Variants in TP63 observed in about 807,000 individuals in gnomAD.
TP63 encodes tumor protein 63.
Under a neutral mutation model 82.8 loss-of-function variants are expected in TP63, and 17 were observed. The ratio of observed to expected loss-of-function variants is 0.21; its 90% CI spans 0.14 to 0.31. TP63 has a LOEUF of 0.31. TP63 is among the 10% of genes least tolerant of loss of function. TP63 has a pLI of 1.00. For missense variants in TP63, 648 were observed against 895.3 expected, an observed-to-expected ratio of 0.72 and a Z score of 3.52; for synonymous variants, 330 against 321.7, an observed-to-expected ratio of 1.03 and a Z score of -0.28.
intron 4 of TP63, among the ~76,000 whole-genome samples, chr3:189,857,620 C>G (rs928822605): frequency 2.0e-5 from 3 of 152,070 alleles, no homozygotes; most frequent in South Asian, 2.1e-4. Context: ...ATAAGGGACT[C>G]CTAAAACTCA....
intron 3 of TP63, among the ~76,000 whole-genome samples, chr3:189,775,251 G>C (rs188779708): frequency 1.4e-4 from 19 of 140,614 alleles, no homozygotes; most frequent in Admixed American, 1.1e-3. Context: ...AAGAAAGAAA[G>C]AAAGAAAAAA....
chr3:189,685,623 C>T (rs1356258039), intron 1 of TP63, among the ~76,000 whole-genome samples: 1 of 152,046 alleles, frequency 6.6e-6, no homozygotes, highest in South Asian at 2.1e-4. Context: ...GTCTTCAATA[C>T]ATGTGTGTTC....
chr3:189,678,460 G>C (rs1037431633), intron 1 of TP63, among the ~76,000 whole-genome samples: 8 of 151,928 alleles, frequency 5.3e-5, no homozygotes, highest in African/African-American at 1.9e-4. Flanking sequence ...TTTTATACCA[G>C]TACCATGCTG....
chr3:189,726,497 G>C (rs1239630701), intron 1 of TP63, among the ~76,000 whole-genome samples: 1 of 152,076 alleles, frequency 6.6e-6, no homozygotes, highest in East Asian at 1.9e-4. Flanking sequence ...TTCCAGGTTT[G>C]AATCATTATG....
chr3:189,868,022 A>G, intron 7 of TP63, 80 bp downstream of exon 7: 1 of 1,190,530 alleles, frequency 8.4e-7, no homozygotes, highest in Non-Finnish European at 1.2e-6. Context: ...CTGCTTTATC[A>G]TTAATTTTGC....
intron 1 of TP63, among the ~76,000 whole-genome samples, chr3:189,719,602 C>A (rs779020755): frequency 6.6e-6 from 1 of 152,136 alleles, no homozygotes; most frequent in Admixed American, 6.5e-5. Context: ...GCAGGCCATG[C>A]GGTCTCTGTC....
intron 1 of TP63, among the ~76,000 whole-genome samples, chr3:189,720,184 T>C (rs961250322): frequency 1.3e-5 from 2 of 152,162 alleles, no homozygotes; most frequent in Admixed American, 1.3e-4. Flanking sequence ...GCATCATTGC[T>C]AAATTTGTTC....
chr3:189,793,502 A>G (rs9832339), intron 3 of TP63, among the ~76,000 whole-genome samples: 29,368 of 152,048 alleles, frequency 0.19, 3,337 homozygotes, highest in Non-Finnish European at 0.27. Context: ...GGGAGTATAT[A>G]TCTAATGTCA....
chr3:189,827,076 A>G (rs1441911519), intron 4 of TP63, among the ~76,000 whole-genome samples: 3 of 152,216 alleles, frequency 2.0e-5, no homozygotes, highest in Non-Finnish European at 4.4e-5. Flanking sequence ...AGTTCCTGCC[A>G]CTGAGCAGGG....
chr3:189,745,756 T>A (rs6785054), intron 3 of TP63, among the ~76,000 whole-genome samples: 80,293 of 131,478 alleles, frequency 0.61, 24,441 homozygotes, highest in East Asian at 0.75. Flanking sequence ...CTGAAACTGA[T>A]GAATTTACTA....
At chr3:189,650,657 T>C (rs1429057077) in intron 1 of TP63, among the ~76,000 whole-genome samples, 2 of 147,562 alleles carry the variant, frequency 1.4e-5, no homozygotes, top group African/African-American at 5.1e-5. Context: ...TCCCCAGCCA[T>C]GCTGAACTGT....
chr3:189,719,987 T>A (rs1719259707), intron 1 of TP63, among the ~76,000 whole-genome samples: 1 of 152,206 alleles, frequency 6.6e-6, no homozygotes. Context: ...AAGATCCAGT[T>A]AGTAATCTTC....
intron 10 of TP63, among the ~76,000 whole-genome samples, chr3:189,879,799 T>G (rs1449608751): frequency 6.6e-6 from 1 of 152,180 alleles, no homozygotes. Flanking sequence ...GGAAAATGCA[T>G]TTTTATAAGT....
intron 4 of TP63, among the ~76,000 whole-genome samples, chr3:189,855,798 A>AT (rs147783960): frequency 2.0e-5 from 3 of 152,004 alleles, no homozygotes; most frequent in Admixed American, 6.6e-5. Flanking sequence ...GCAAGAAATC[A>AT]TTTTTTTCCA....
intron 4 of TP63, among the ~76,000 whole-genome samples, chr3:189,837,330 G>A (rs1652324383): frequency 6.6e-6 from 1 of 151,764 alleles, no homozygotes; most frequent in South Asian, 2.1e-4. Context: ...CTTAAGAGTT[G>A]TTATCATCCT....
At chr3:189,724,949 A>G (rs763734936) in intron 1 of TP63, among the ~76,000 whole-genome samples, 1 of 152,214 alleles carries the variant, frequency 6.6e-6, no homozygotes, top group Non-Finnish European at 1.5e-5. Context: ...ATATTTAAAA[A>G]ATATGGGGCA....
chr3:189,686,174 C>T (rs750115909), intron 1 of TP63, among the ~76,000 whole-genome samples: 5 of 152,162 alleles, frequency 3.3e-5, no homozygotes, highest in Middle Eastern at 3.2e-3. Context: ...GGAATGTGTA[C>T]TCTTGGTGTC....
chr3:189,813,794 T>G (rs1184649047), intron 4 of TP63, among the ~76,000 whole-genome samples: 2 of 152,130 alleles, frequency 1.3e-5, no homozygotes, highest in Admixed American at 6.5e-5. Context: ...GGGAAGGAAC[T>G]TTTTTTCTCT....
At chr3:189,848,778 A>G (rs1306791588) in intron 4 of TP63, among the ~76,000 whole-genome samples, 2 of 152,146 alleles carry the variant, frequency 1.3e-5, no homozygotes, top group African/African-American at 4.8e-5. Flanking sequence ...TCAGGGATGC[A>G]CTCCTGACCC....
Sources: allele counts gnomAD v4.1 joint callset (sites outside exome capture counted in the v4.1 genomes callset), GRCh38; gene constraint gnomAD v4.1.1; transcripts MANE v1.5; gene names NCBI Gene and HGNC (gene_info 2026-07-23, HGNC 2026-07-21).